Variants in MAP4 observed in about 807,000 individuals in gnomAD.
MAP4 encodes microtubule-associated protein 4.
In MAP4, 76 loss-of-function variants were observed where a neutral mutation model predicts 170.2. The observed-to-expected ratio is 0.45, with a 90% CI of 0.37 to 0.54. The LOEUF (loss-of-function observed/expected upper bound fraction) is 0.54, where lower values mean the gene tolerates loss of function less well. MAP4 is among the 20% of genes least tolerant of loss of function. The pLI is 0.00. For synonymous variants in MAP4, 909 were observed against 994.5 expected (o/e 0.91, Z 1.62); for missense variants, 2,506 against 2,748.0 (o/e 0.91, Z 1.97).
chr3:47,867,161 A>G, intron 17 of MAP4, 85 bp downstream of exon 17: 1 of 928,716 alleles, frequency 1.1e-6, no homozygotes, highest in Admixed American at 2.1e-5. Context: ...CTGGGATTCT[A>G]TCTACATGGG....
chr3:47,928,343 T>C lies in MAP4; in HGVS notation c.300A>G (p.Pro100=), dbSNP rs139731146. 1.6e-5 allele frequency: 26 copies of C among 1,614,002 alleles called. No individual in the cohort carries two copies. In the African/African-American group the frequency reaches 3.3e-4, roughly 21 times the overall value. The change falls in exon 4 of 21, where the codon CCA becomes CCG. Residue 100 remains proline, a synonymous_variant. Coordinates refer to ENST00000683076, the MANE Select transcript of MAP4 (RefSeq NM_001385682.1). ...CCATTTTCTCTTCAAGGAATTCAGT[T>C]GGAGACCCTTAAAATAGAGACACAA... The part of the protein sequence containing the change: ...GVEGSDTTGS[P]TEFLEEKMAY...
chr3:47,898,318 G>A (rs923410180), intron 10 of MAP4, among the ~76,000 whole-genome samples: 1 of 151,942 alleles, frequency 6.6e-6, no homozygotes, highest in African/African-American at 2.4e-5. Context: ...CCTGGCCAAC[G>A]TGATGAAACC....
At chr3:47,915,153 G>A (rs1184585151) in intron 7 of MAP4, among the ~76,000 whole-genome samples, 1 of 140,536 alleles carries the variant, frequency 7.1e-6, no homozygotes, top group African/African-American at 2.6e-5. Context: ...TTCACTCTTT[G>A]TTGCTCAGGC....
intron 1 of MAP4, among the ~76,000 whole-genome samples, chr3:48,068,217 A>C (rs1271516856): frequency 6.8e-6 from 1 of 146,526 alleles, no homozygotes; most frequent in Non-Finnish European, 1.5e-5. Context: ...ATGAGCCAAG[A>C]TCGTGCCACT....
intron 3 of MAP4, chr3:47,973,094 A>G: frequency 1.0e-6 from 1 of 980,566 alleles, no homozygotes; most frequent in Non-Finnish European, 1.2e-6. Flanking sequence ...TGTTAATGTA[A>G]GATGTTTATT....
chr3:47,976,682 C>T (rs1473626807), intron 3 of MAP4, among the ~76,000 whole-genome samples: 2 of 152,176 alleles, frequency 1.3e-5, no homozygotes, highest in Non-Finnish European at 2.9e-5. Flanking sequence ...AATACAAAAA[C>T]ATCAATTCAC....
At chr3:47,928,461 A>G in intron 3 of MAP4, 111 bp from the exon 4 acceptor site, 1 of 1,112,618 alleles carries the variant, frequency 9.0e-7, no homozygotes, top group Non-Finnish European at 1.3e-6. Flanking sequence ...AATCCTATCT[A>G]GCTAGTGTCT....
chr3:48,034,098 T>C (rs1401264278), intron 1 of MAP4, among the ~76,000 whole-genome samples: 1 of 152,192 alleles, frequency 6.6e-6, no homozygotes, highest in African/African-American at 2.4e-5. Context: ...CTTTCACCTT[T>C]TTCTACATAT....
chr3:48,003,179 G>A (rs191168678), intron 1 of MAP4, among the ~76,000 whole-genome samples: 46 of 152,070 alleles, frequency 3.0e-4, no homozygotes, highest in African/African-American at 1.1e-3. Context: ...TATGGGCCGG[G>A]CGCAATGGCT....
rs566565274 is a variant in MAP4, at chr3:47,918,075, C to T, written c.652+644G>A. Among the ~76,000 whole-genome samples, 20 of 152,234 alleles carry T rather than the reference C, an allele frequency of 1.3e-4. No homozygotes were observed. The South Asian group carries it at 1.7e-3, about 13-fold the overall frequency. On this transcript the variant is annotated intron_variant, in intron 6 of 20. Coordinates refer to ENST00000683076, the MANE Select transcript of MAP4 (RefSeq NM_001385682.1). ...TCGGCTGACAGCAACCTCTGCCTTC[C>T]GGTTTCAAGTGATTCTCCTGCCTCA...
At chr3:47,998,951 CA>C in intron 1 of MAP4, 72 bp from the exon 2 acceptor site, 1 of 863,550 alleles carries the variant, frequency 1.2e-6, no homozygotes. Flanking sequence ...AAACTCTTGT[CA>C]ATTGTTTGAA....
At chr3:47,951,495 G>A (rs957820681) in intron 3 of MAP4, among the ~76,000 whole-genome samples, 4 of 152,216 alleles carry the variant, frequency 2.6e-5, no homozygotes, top group Admixed American at 6.5e-5. Flanking sequence ...GATTGCAGAC[G>A]CGCGCCGCCA....
At chr3:47,880,863 C>A (rs890537344) in intron 10 of MAP4, among the ~76,000 whole-genome samples, 4 of 152,144 alleles carry the variant, frequency 2.6e-5, no homozygotes, top group African/African-American at 9.7e-5. Context: ...CATTCTGTCA[C>A]TGAGTGGAAT....
At chr3:47,869,352 A>G (rs1473783545) in intron 15 of MAP4, 25 bp from the exon 16 acceptor site, 1 of 1,483,718 alleles carries the variant, frequency 6.7e-7, no homozygotes, top group Admixed American at 1.7e-5. Flanking sequence ...AGGGAGGGCA[A>G]ATTTCAAACC....
At chr3:47,863,930 G>A (rs2151214739) in intron 17 of MAP4, among the ~76,000 whole-genome samples, 1 of 136,414 alleles carries the variant, frequency 7.3e-6, no homozygotes, top group South Asian at 2.3e-4. Context: ...GGGTGTGTGT[G>A]TGTGTGTGGG....
rs1479363403 is a variant in MAP4, at chr3:47,875,897, A to G, written c.5545T>C (p.Leu1849=). The change falls in exon 12 of 21, where the codon TTG becomes CTG. Residue 1849 remains leucine, a synonymous_variant. Coordinates refer to ENST00000683076, the MANE Select transcript of MAP4 (RefSeq NM_001385682.1). ...PPSPEKKTKP[L]ATTQPAKTST... is the part of the protein sequence containing the mutation. ...GTCTTTGCAGGTTGAGTGGTGGCCA[A>G]AGGCTTTAGGTTGATTGTTGTTTAT... 1 of 1,606,776 alleles carries G rather than the reference A, an allele frequency of 6.2e-7. No individual in the cohort carries two copies. Among genetic ancestry groups the G allele is most frequent in the South Asian group, 1.1e-5 (1 of 89,786 alleles).
chr3:48,021,722 C>T (rs2100110664), intron 1 of MAP4, among the ~76,000 whole-genome samples: 1 of 152,076 alleles, frequency 6.6e-6, no homozygotes, highest in Admixed American at 6.5e-5. Flanking sequence ...AAAGTTGATC[C>T]TAAGTTTTAC....
At chr3:47,942,959 A>T (rs969231065) in intron 3 of MAP4, among the ~76,000 whole-genome samples, 1 of 152,096 alleles carries the variant, frequency 6.6e-6, no homozygotes, top group African/African-American at 2.4e-5. Flanking sequence ...AAAAAAATTT[A>T]AAAAATTAGC....
At chr3:48,035,021 T>A (rs1474780873) in intron 1 of MAP4, among the ~76,000 whole-genome samples, 1 of 151,762 alleles carries the variant, frequency 6.6e-6, no homozygotes, top group African/African-American at 2.4e-5. Flanking sequence ...TCAAAAAAAA[T>A]AACTTATTCT....
Sources: allele counts gnomAD v4.1 joint callset (sites outside exome capture counted in the v4.1 genomes callset), GRCh38; gene constraint gnomAD v4.1.1; transcripts MANE v1.5; gene names NCBI Gene and HGNC (gene_info 2026-07-23, HGNC 2026-07-21).